The following ULK4 variants were observed in gnomAD, a reference collection of about 807,000 sequenced individuals.
ULK4 encodes unc-51 like kinase 4, also known as inactive serine/threonine-protein kinase ULK4.
In ULK4, 133 loss-of-function variants were observed where a neutral mutation model predicts 160.6. The ratio of observed to expected loss-of-function variants is 0.83; its 90% CI spans 0.72 to 0.96. ULK4 has a LOEUF of 0.96. ULK4 is among the 40% of genes least tolerant of loss of function. The pLI, the probability that ULK4 is intolerant of heterozygous loss-of-function variation, is 0.00. For synonymous variants in ULK4, 534 were observed against 539.8 expected, an observed-to-expected ratio of 0.99 and a Z score of 0.15; for missense variants, 1,580 against 1,499.5, an observed-to-expected ratio of 1.05 and a Z score of -0.89.
intron 2 of ULK4, 97 bp downstream of exon 2, chr3:41,954,519 GGCATTT>G: frequency 7.6e-7 from 1 of 1,312,382 alleles, no homozygotes. Context: ...CTGAAAATGT[GGCATTT>G]GATATATCAA....
chr3:41,717,314 T>G (rs2037302905), intron 23 of ULK4, among the ~76,000 whole-genome samples: 1 of 152,130 alleles, frequency 6.6e-6, no homozygotes, highest in Non-Finnish European at 1.5e-5. Flanking sequence ...AAATAAAATC[T>G]ATTCAAAGTT....
chr3:41,868,388 T>C (rs1479833585), intron 17 of ULK4, among the ~76,000 whole-genome samples: 1 of 152,258 alleles, frequency 6.6e-6, no homozygotes, highest in East Asian at 1.9e-4. Context: ...TTAATATAGC[T>C]ACTTAAGCTT....
intron 32 of ULK4, among the ~76,000 whole-genome samples, chr3:41,513,794 T>C (rs973678742): frequency 1.3e-5 from 2 of 152,090 alleles, no homozygotes; most frequent in African/African-American, 4.8e-5. Context: ...AATGATACAA[T>C]GGACTTTGGA....
At chr3:41,445,762 A>G (rs1353066318) in intron 34 of ULK4, among the ~76,000 whole-genome samples, 1 of 152,294 alleles carries the variant, frequency 6.6e-6, no homozygotes, top group East Asian at 1.9e-4. Flanking sequence ...ACCTAAAACC[A>G]TAAAAACCCT....
At position 41,301,377 on chromosome 3, in the gene ULK4, T is replaced by A. The variant is rs112185516; in HGVS notation, c.3679-51803A>T. Among the ~76,000 whole-genome samples the A allele has an allele frequency of 5.8e-3, 889 of 152,304 alleles. 6 individuals are homozygous for A. The highest frequency in any genetic ancestry group is 0.02 in the African/African-American group (849 of 41,564). On this transcript the variant is annotated intron_variant, in intron 35 of 36. Coordinates refer to ENST00000301831, the MANE Select transcript of ULK4 (RefSeq NM_017886.4). ...TAACGACAGAATAGAATGGACAGAA[T>A]CTTCCCAGGACCCAAGATACCTTCT...
chr3:41,949,943 C>T (rs901144334), intron 2 of ULK4, among the ~76,000 whole-genome samples: 1 of 151,768 alleles, frequency 6.6e-6, no homozygotes, highest in Non-Finnish European at 1.5e-5. Context: ...ACCATGTTGC[C>T]CAGGCTGGTC....
intron 27 of ULK4, among the ~76,000 whole-genome samples, chr3:41,682,091 T>C (rs1418677130): frequency 6.6e-6 from 1 of 152,222 alleles, no homozygotes; most frequent in Non-Finnish European, 1.5e-5. Flanking sequence ...CAAAATCTAG[T>C]TGGCACAGGT....
intron 30 of ULK4, among the ~76,000 whole-genome samples, chr3:41,642,664 C>T (rs1462528405): frequency 2.6e-5 from 4 of 152,134 alleles, no homozygotes; most frequent in African/African-American, 9.7e-5. Context: ...GTGCATGTGT[C>T]TTTATAGCAG....
intron 35 of ULK4, among the ~76,000 whole-genome samples, chr3:41,254,823 C>T (rs1442675414): frequency 6.6e-6 from 1 of 151,206 alleles, no homozygotes; most frequent in Non-Finnish European, 1.5e-5. Context: ...GCAGAGGTTA[C>T]ACTGAGCAGA....
intron 18 of ULK4, among the ~76,000 whole-genome samples, chr3:41,821,276 C>G (rs1031287807): frequency 6.6e-6 from 1 of 152,164 alleles, no homozygotes; most frequent in Non-Finnish European, 1.5e-5. Flanking sequence ...GAAGGTGGCA[C>G]CAGAGAGCAC....
chr3:41,319,685 A>G (rs1295543978), intron 35 of ULK4, among the ~76,000 whole-genome samples: 1 of 152,224 alleles, frequency 6.6e-6, no homozygotes, highest in Non-Finnish European at 1.5e-5. Flanking sequence ...TGTGCCTGAT[A>G]CTTTTCTAAA....
At position 41,483,120 on chromosome 3, in the gene ULK4, T is replaced by C. The variant is rs567413725; in HGVS notation, c.3227-19867A>G. Among the ~76,000 whole-genome samples the C allele has an allele frequency of 2.8e-4, 42 of 152,112 alleles. No individual in the cohort carries two copies. In the South Asian group the frequency reaches 3.5e-3, roughly 13 times the overall value. ...TACCAGATCTTATGCATTCCTTCTC[T>C]TTTTTTTGTACCTGTTAACCATCCC... On this transcript the variant is annotated intron_variant, in intron 32 of 36. Transcript: ENST00000301831.
intron 34 of ULK4, among the ~76,000 whole-genome samples, chr3:41,440,045 T>G (rs2083127974): frequency 1.3e-5 from 2 of 152,234 alleles, no homozygotes; most frequent in Admixed American, 1.3e-4. Context: ...CATATTGATT[T>G]TGTTTACTGC....
intron 32 of ULK4, among the ~76,000 whole-genome samples, chr3:41,528,499 C>T (rs2086193702): frequency 6.6e-6 from 1 of 152,090 alleles, no homozygotes; most frequent in African/African-American, 2.4e-5. Flanking sequence ...ATTTATTTAC[C>T]TGCCGAGTAC....
At chr3:41,901,168 G>C (rs1232329185) in intron 12 of ULK4, among the ~76,000 whole-genome samples, 1 of 116,882 alleles carries the variant, frequency 8.6e-6, no homozygotes, top group African/African-American at 2.8e-5. Flanking sequence ...TAACAGCATG[G>C]CTTCTTTTTT....
intron 20 of ULK4, among the ~76,000 whole-genome samples, chr3:41,795,241 A>G (rs544459100): frequency 2.6e-5 from 4 of 152,204 alleles, no homozygotes; most frequent in Non-Finnish European, 4.4e-5. Flanking sequence ...ATCCTCATGT[A>G]AATCTATTAA....
intron 34 of ULK4, among the ~76,000 whole-genome samples, chr3:41,438,859 G>T (rs1371379074): frequency 6.6e-6 from 1 of 151,730 alleles, no homozygotes; most frequent in Admixed American, 6.6e-5. Context: ...ACCTTCCGGG[G>T]CACATTTATT....
At chr3:41,783,632 C>T (rs2039918519) in intron 21 of ULK4, among the ~76,000 whole-genome samples, 2 of 152,100 alleles carry the variant, frequency 1.3e-5, no homozygotes, top group Admixed American at 6.5e-5. Flanking sequence ...CCACAGCCTC[C>T]CAAGCAACAG....
intron 32 of ULK4, among the ~76,000 whole-genome samples, chr3:41,490,319 T>A (rs1160218604): frequency 6.6e-6 from 1 of 152,174 alleles, no homozygotes; most frequent in African/African-American, 2.4e-5. Flanking sequence ...CAGCCCAGCA[T>A]TCAAGTTCCT....
Sources: gnomAD v4.1 joint callset for allele counts (sites outside exome capture counted in the v4.1 genomes callset) on GRCh38, gnomAD v4.1.1 for gene constraint, MANE v1.5 for transcripts, NCBI Gene and HGNC (gene_info 2026-07-23, HGNC 2026-07-21) for gene names.